Variants in GSE1 observed in about 807,000 individuals in gnomAD.
The protein encoded by GSE1 is genetic suppressor element 1.
Under a neutral mutation model 112.6 loss-of-function variants are expected in GSE1, and 32 were observed. The observed-to-expected ratio is 0.28, with a 90% CI of 0.21 to 0.38. GSE1 has a LOEUF of 0.38. GSE1 is among the 10% of genes least tolerant of loss of function. GSE1 has a pLI of 1.00. For synonymous variants in GSE1, 1,115 were observed against 735.6 expected, an observed-to-expected ratio of 1.52 and a Z score of -8.35; for missense variants, 2,348 against 1,699.2, an observed-to-expected ratio of 1.38 and a Z score of -6.71.
chr16:85,282,450 C>T (rs1042993456), intron 1 of GSE1, among the ~76,000 whole-genome samples: 1 of 152,166 alleles, frequency 6.6e-6, no homozygotes, highest in African/African-American at 2.4e-5. Context: ...GCTGAAAGCC[C>T]GGTTCAGAGT....
chr16:85,668,222 C>A lies in GSE1; in HGVS notation c.3213C>A (p.Ser1071=). 1 of 1,610,612 alleles carries A rather than the reference C, an allele frequency of 6.2e-7. No individual in the cohort carries two copies. The highest frequency in any genetic ancestry group is 8.5e-7 in the Non-Finnish European group (1 of 1,176,862). Residue 1071 remains serine, a synonymous_variant, in exon 14 of 16, where the codon TCC becomes TCA. Transcript: ENST00000253458. ...VHYNIPELQS[S]SRAPPPQHNG... is the part of the protein sequence containing the mutation. The stretch of plus-strand genomic sequence containing the variant: ...ACAACATTCCTGAGCTGCAGTCCTC[C>A]AGCCGCGCCCCTCCACCCCAGCACA...
intron 1 of GSE1, among the ~76,000 whole-genome samples, chr16:85,589,167 A>T (rs1341926228): frequency 1.3e-5 from 2 of 151,908 alleles, no homozygotes; most frequent in East Asian, 3.9e-4. Flanking sequence ...CCGGCTTCCT[A>T]GCAGGAGCTG....
rs555082981 is a variant in GSE1, at chr16:85,268,938, C to G, written c.2284-88525C>G. On this transcript the variant is annotated intron_variant, in intron 1 of 2. Coordinates refer to the GSE1 transcript ENST00000637419. The stretch of plus-strand genomic sequence containing the variant: ...AGGGGGCTAGGCTTGCCCCTGCCTT[C>G]TAACAGGTTCTGATTTTAATGACAG... 7.3e-5 allele frequency among the ~76,000 whole-genome samples: 11 copies of G among 149,830 alleles called. 1 individual carries two copies. The highest frequency in any genetic ancestry group is 1.5e-4 in the Non-Finnish European group (10 of 66,476).
At chr16:85,180,371 C>T (rs113353005) in intron 1 of GSE1, among the ~76,000 whole-genome samples, 213 of 152,342 alleles carry the variant, frequency 1.4e-3, no homozygotes, top group African/African-American at 4.9e-3. Flanking sequence ...GGTCACCCAC[C>T]GAGGCCACGC....
At chr16:85,326,533 G>A (rs1181517616) in intron 1 of GSE1, among the ~76,000 whole-genome samples, 3 of 152,200 alleles carry the variant, frequency 2.0e-5, no homozygotes, top group Non-Finnish European at 2.9e-5. Flanking sequence ...CATGAGTTTG[G>A]CATTTCCTCT....
At chr16:85,236,186 C>A (rs907220501) in intron 1 of GSE1, among the ~76,000 whole-genome samples, 1 of 152,196 alleles carries the variant, frequency 6.6e-6, no homozygotes, top group Non-Finnish European at 1.5e-5. Context: ...GGGGCTGGGA[C>A]CGGCTCTTGG....
At chr16:85,450,076 A>G (rs1277932512) in intron 2 of GSE1, among the ~76,000 whole-genome samples, 1 of 144,100 alleles carries the variant, frequency 6.9e-6, no homozygotes, top group Non-Finnish European at 1.5e-5. Flanking sequence ...CCCTGTTACC[A>G]TGGTGGGTAC....
intron 1 of GSE1, among the ~76,000 whole-genome samples, chr16:85,218,536 GCAGTGAACCTGGGTTTGAGC>G (rs1160564112): frequency 2.6e-5 from 4 of 152,222 alleles, no homozygotes; most frequent in Non-Finnish European, 5.9e-5. Context: ...GGCCTTTGGA[GCAGTGAACCTGGGTTTGAGC>G]TCAACTCTGC....
intron 2 of GSE1, among the ~76,000 whole-genome samples, chr16:85,545,758 AGTTT>A (rs1199777078): frequency 6.6e-6 from 1 of 151,992 alleles, no homozygotes; most frequent in East Asian, 1.9e-4. Flanking sequence ...ATGTGTTGTT[AGTTT>A]GTTTTTTTGG....
At chr16:85,188,784 G>C (rs73260343) in intron 1 of GSE1, among the ~76,000 whole-genome samples, 2,472 of 150,066 alleles carry the variant, frequency 0.016, 72 homozygotes, top group African/African-American at 0.058. Flanking sequence ...CTGGGTGTTA[G>C]AGTGGGACCT....
chr16:85,617,588 G>A (rs1204912857), intron 1 of GSE1, among the ~76,000 whole-genome samples: 1 of 129,436 alleles, frequency 7.7e-6, no homozygotes, highest in African/African-American at 2.9e-5. Context: ...GCATCCGTGT[G>A]TCAACCCTCC....
At chr16:85,467,490 T>C (rs943385851) in intron 2 of GSE1, among the ~76,000 whole-genome samples, 2 of 152,134 alleles carry the variant, frequency 1.3e-5, no homozygotes, top group African/African-American at 4.8e-5. Context: ...GGGGGCTGGG[T>C]TGGGGAGCAT....
At chr16:85,403,195 C>G (rs1036343598) in intron 2 of GSE1, among the ~76,000 whole-genome samples, 7 of 152,166 alleles carry the variant, frequency 4.6e-5, no homozygotes, top group African/African-American at 1.7e-4. Flanking sequence ...CCTGTGCTAT[C>G]AGGCAAGCCA....
chr16:85,652,091 G>C, intron 3 of GSE1, among the ~76,000 whole-genome samples: 1 of 152,220 alleles, frequency 6.6e-6, no homozygotes, highest in East Asian at 1.9e-4. Flanking sequence ...TGCCATGTCC[G>C]GGCCCCCACC....
chr16:85,299,499 C>G (rs1057119133), intron 1 of GSE1, among the ~76,000 whole-genome samples: 2 of 152,258 alleles, frequency 1.3e-5, no homozygotes, highest in Non-Finnish European at 2.9e-5. Flanking sequence ...GGGAGCGTAT[C>G]CCTAGCAGGC....
chr16:85,316,842 A>T (rs1188584853), intron 1 of GSE1, among the ~76,000 whole-genome samples: 1 of 151,976 alleles, frequency 6.6e-6, no homozygotes, highest in Non-Finnish European at 1.5e-5. Context: ...GGCTCAGGGA[A>T]CCCCGCCCGG....
At chr16:85,488,473 T>A (rs2050910259) in intron 2 of GSE1, among the ~76,000 whole-genome samples, 1 of 152,064 alleles carries the variant, frequency 6.6e-6, no homozygotes, top group African/African-American at 2.4e-5. Context: ...AGGGTCTTGT[T>A]GCAAGTCTGG....
chr16:85,520,838 C>T (rs888507651), intron 2 of GSE1, among the ~76,000 whole-genome samples: 1 of 152,164 alleles, frequency 6.6e-6, no homozygotes, highest in East Asian at 1.9e-4. Flanking sequence ...ACAATGGGGA[C>T]CAGCCTGGGG....
At chr16:85,618,278 A>C (rs1240252170) in intron 1 of GSE1, among the ~76,000 whole-genome samples, 1 of 152,062 alleles carries the variant, frequency 6.6e-6, no homozygotes, top group Non-Finnish European at 1.5e-5. Flanking sequence ...CCCCACCCCC[A>C]TGTTCTCATC....
Sources: allele counts gnomAD v4.1 joint callset (sites outside exome capture counted in the v4.1 genomes callset), GRCh38; gene constraint gnomAD v4.1.1; transcripts MANE v1.5; gene names NCBI Gene and HGNC (gene_info 2026-07-23, HGNC 2026-07-21).